Variants in SZT2 observed in about 807,000 individuals in gnomAD.
SZT2 encodes the protein SZT2 subunit of KICSTOR complex, also known as KICSTOR complex protein SZT2.
In SZT2, 216 loss-of-function variants were observed where a neutral mutation model predicts 404.2. The ratio of observed to expected loss-of-function variants is 0.53; its 90% CI spans 0.48 to 0.60. The LOEUF is 0.60. Among genes scored for constraint, SZT2 ranks in the 20% least tolerant of loss-of-function variants. SZT2 has a pLI of 0.00. For missense variants in SZT2, 3,857 were observed against 4,459.2 expected (o/e 0.86, Z 3.85); for synonymous variants, 1,693 against 1,749.9 (o/e 0.97, Z 0.81).
Position 43,440,516 on chromosome 1 carries a change from C to A in SZT2, c.7274C>A (p.Pro2425His), listed in dbSNP as rs1557589083. ...GCAGGCCGAGCTAGCACCTTTCCCCCTGCCCCTGTCCCTGGGGAGCCTGTG... is the reference window on the plus strand; with the variant it reads ...GCAGGCCGAGCTAGCACCTTTCCCCATGCCCCTGTCCCTGGGGAGCCTGTG... Reference protein sequence around the residue: ...SSAGRASTFPPAPVPGEPVTP... With the variant: ...SSAGRASTFPHAPVPGEPVTP... The change falls in exon 52 of 72, where the codon CCT (proline) becomes CAT (histidine). Residue 2425 changes from proline (P) to histidine (H), a missense_variant. This residue lies in a region of SZT2 where 573 missense variants were observed against 592.4 expected (regional missense o/e 0.97). Transcript: ENST00000634258. 2 of 1,609,020 alleles carry A rather than the reference C, an allele frequency of 1.2e-6. No individual in the cohort carries two copies. The highest frequency in any genetic ancestry group is 8.5e-7 in the Non-Finnish European group (1 of 1,177,814).
At position 43,392,582 on chromosome 1, in the gene SZT2, C is replaced by T. The variant is rs566630682; in HGVS notation, c.27+2587C>T. Among the ~76,000 whole-genome samples the T allele has an allele frequency of 4.6e-5, 7 of 152,194 alleles. 2 individuals are homozygous for T. The highest frequency in any genetic ancestry group is 1.7e-4 in the African/African-American group (7 of 41,530). Reference sequence around the variant, plus strand: ...GGCGCCTGCTACCATGCCCTGCTAACTTTTTGTGTTTTTAGTAAAGACGGG... The same window carrying T: ...GGCGCCTGCTACCATGCCCTGCTAATTTTTTGTGTTTTTAGTAAAGACGGG... On this transcript the variant is annotated intron_variant, in intron 1 of 71. Coordinates refer to ENST00000634258, the MANE Select transcript of SZT2 (RefSeq NM_001365999.1).
In SZT2 at chr1:43,431,347, C is replaced by T. The variant is rs1420903018; in HGVS notation, c.4999C>T (p.Pro1667Ser). Residue 1667 changes from proline to serine, a missense_variant, in exon 34 of 72, where the codon CCA (proline) becomes TCA (serine). Around this residue, in one of 7 missense-constraint regions of SZT2, gnomAD observed 1,725 missense variants for 1,881.0 expected, o/e 0.92. Coordinates refer to ENST00000634258, the MANE Select transcript of SZT2 (RefSeq NM_001365999.1). ...AAGGTCAGATGATGGCCTCGGGCCC[C>T]CACTGCCACCCCCAGAAGAGGAGAG... ...SLRSDDGLGP[P>S]LPPPEEERHP... 4 of 1,612,576 alleles carry T rather than the reference C, an allele frequency of 2.5e-6. No individual in the cohort carries two copies. The South Asian group carries it at 3.3e-5, about 13-fold the overall frequency.
At position 43,430,044 on chromosome 1, in the gene SZT2, C is replaced by T. The variant is rs140004653; in HGVS notation, c.4342C>T (p.Arg1448Cys). 377 of 1,614,160 alleles carry T rather than the reference C, an allele frequency of 2.3e-4. No individual in the cohort carries two copies. The highest frequency in any genetic ancestry group is 1.5e-3 in the African/African-American group (112 of 75,014). Residue 1448 changes from arginine to cysteine, a missense_variant, in exon 30 of 72, where the codon CGC (arginine) becomes TGC (cysteine). Arg to Cys is a radical substitution (Grantham distance 180). Transcript: ENST00000634258. ...CCTAGAGATCAGTCGTCTCCACTTC[C>T]GCACAGTGCCTTCCAATCCCCACTA... ...KFLEISRLHFRTVPSNPHYFF... is the reference protein window; with the variant it reads ...KFLEISRLHFCTVPSNPHYFF...
Position 43,429,852 on chromosome 1 carries a change from G to T in SZT2, c.4308+8G>T. On this transcript the variant is annotated splice_region_variant and intron_variant, in intron 29 of 71. Coordinates refer to ENST00000634258, the MANE Select transcript of SZT2 (RefSeq NM_001365999.1). ...CTTCATAGCGTCATCCAGGTGGGAA[G>T]CTTGGGTGAGGGTAGAAGAGGTGTT... The T allele has an allele frequency of 6.2e-7, 1 of 1,614,092 alleles. No homozygotes were observed. Among genetic ancestry groups the T allele is most frequent in the Non-Finnish European group, 8.5e-7 (1 of 1,180,046 alleles).
chr1:43,412,281 C>T (rs1319792888), intron 4 of SZT2: 1 of 152,302 alleles, frequency 6.6e-6, no homozygotes, highest in African/African-American at 2.4e-5. Flanking sequence ...TTCACCCACG[C>T]TCTGCATAAA....
At chr1:43,401,118 T>G (rs1038998157) in intron 1 of SZT2, among the ~76,000 whole-genome samples, 2 of 151,930 alleles carry the variant, frequency 1.3e-5, no homozygotes, top group African/African-American at 2.4e-5. Flanking sequence ...AGAGTTGAGG[T>G]TTCATCATGT....
Position 43,450,740 on chromosome 1 carries a change from T to TCTGGGGTACTCCTTTCGGCCCCC in SZT2, c.*265_*287dup, listed in dbSNP as rs1426791282. ...CAACCCCGAGGACCCCTTGGGCCCTTCTGGGGTACTCCTTTCGGCCCCCCT... is the reference window on the plus strand; with the variant it reads ...CAACCCCGAGGACCCCTTGGGCCCTTCTGGGGTACTCCTTTCGGCCCCCCTGGGGTACTCCTTTCGGCCCCCCT... On this transcript the variant is annotated 3_prime_UTR_variant, in exon 72 of 72. Coordinates refer to ENST00000634258, the MANE Select transcript of SZT2 (RefSeq NM_001365999.1). The surrounding 1 kb of genome is among the most constrained non-coding windows in gnomAD (Gnocchi z 4.3). The TCTGGGGTACTCCTTTCGGCCCCC allele has an allele frequency of 7.1e-6, 5 of 701,458 alleles. No individual in the cohort carries two copies. The highest frequency in any genetic ancestry group is 1.3e-5 in the Non-Finnish European group (5 of 387,602). The allele number at this position is 701,458 out of a possible 1,614,324, so 43.5% of individuals were successfully genotyped here. A position where few individuals can be genotyped will look rare whatever the true frequency, so the allele number is the denominator to read the frequency against.
intron 1 of SZT2, among the ~76,000 whole-genome samples, chr1:43,391,755 G>A (rs1030230739): frequency 2.0e-5 from 3 of 152,152 alleles, no homozygotes; most frequent in African/African-American, 4.8e-5. Context: ...CAAGCCACAT[G>A]TGTAATATTA....
chr1:43,419,705 C>T (rs1490139315), intron 7 of SZT2, 29 bp from the exon 8 acceptor site: 2 of 1,569,478 alleles, frequency 1.3e-6, no homozygotes, highest in African/African-American at 2.7e-5. Context: ...TCTGTCAGAG[C>T]TAGGTCTTCA....
At chr1:43,434,910 CAG>C (rs1269530592) in intron 41 of SZT2, among the ~76,000 whole-genome samples, 2 of 152,204 alleles carry the variant, frequency 1.3e-5, no homozygotes, top group Non-Finnish European at 2.9e-5. Flanking sequence ...AAGCATGTAA[CAG>C]GGATCTGACC....
rs1228641997 is a variant in SZT2, at chr1:43,425,402, C to A, written c.2646-72C>A. 23 of 1,591,382 alleles carry A rather than the reference C, an allele frequency of 1.4e-5. No homozygotes were observed. Among genetic ancestry groups the A allele is most frequent in the South Asian group, 1.3e-4 (11 of 87,292 alleles). ...GACTCGTGGCTGTCCTCTGTGCCTG[C>A]CTCCTTCCCTCCATGAGGTTCACTC... On this transcript the variant is annotated intron_variant, in intron 18 of 71. Transcript: ENST00000634258. This position sits in a 1 kb window ranked among gnomAD's most constrained non-coding sequence, Gnocchi z 4.3.
chr1:43,453,648 G>A lies in SZT2; in HGVS notation c.*3168G>A. 3 of 1,490,680 alleles carry A rather than the reference G, an allele frequency of 2.0e-6. No homozygotes were observed. The highest frequency in any genetic ancestry group is 2.7e-6 in the Non-Finnish European group (3 of 1,127,524). 92.3% of individuals were successfully genotyped at this position (1,490,680 alleles called of 1,614,324 possible). The stretch of plus-strand genomic sequence containing the variant: ...CAGCCCCGCTTCTCGCGCGGCGCGC[G>A]CCAGCGCCTCAGGCGTCTCCGCGTA... On this transcript the variant is annotated 3_prime_UTR_variant, in exon 72 of 72. Transcript: ENST00000634258.
chr1:43,419,295 A>T (rs1248363043), intron 7 of SZT2, among the ~76,000 whole-genome samples: 2 of 152,266 alleles, frequency 1.3e-5, no homozygotes, highest in Non-Finnish European at 2.9e-5. Context: ...TTCAAAATGT[A>T]GTCCACAGAC....
In SZT2 at chr1:43,453,795, C is replaced by G; in HGVS notation, c.*3315C>G. Reference sequence around the variant, plus strand: ...GGCGGAGAAGCGCAGCGGCGCCATGCCTGGGGAGGCCGGGCCGGGCGGAGT... The same window carrying G: ...GGCGGAGAAGCGCAGCGGCGCCATGGCTGGGGAGGCCGGGCCGGGCGGAGT... On this transcript the variant is annotated 3_prime_UTR_variant, in exon 72 of 72. Coordinates refer to ENST00000634258, the MANE Select transcript of SZT2 (RefSeq NM_001365999.1). The G allele has an allele frequency of 1.6e-6, 2 of 1,266,454 alleles. No individual in the cohort carries two copies. The highest frequency in any genetic ancestry group is 2.0e-6 in the Non-Finnish European group (2 of 1,009,024). 78.5% of individuals were successfully genotyped at this position (1,266,454 alleles called of 1,614,324 possible).
At position 43,452,217 on chromosome 1, in the gene SZT2, C is replaced by G. The variant is rs41270373; in HGVS notation, c.*1737C>G. ...CCACCTTTCTCACCTGAGCCAAAAC[C>G]CCAGCTGCATGCCTCAGGTTCTCCA... On this transcript the variant is annotated 3_prime_UTR_variant, in exon 72 of 72. Coordinates refer to ENST00000634258, the MANE Select transcript of SZT2 (RefSeq NM_001365999.1). The G allele has an allele frequency of 0.026, 41,969 of 1,612,936 alleles. 608 individuals are homozygous for G. The highest frequency in any genetic ancestry group is 0.03 in the Non-Finnish European group (34,805 of 1,179,304).
In SZT2 at chr1:43,438,725, C is replaced by G; in HGVS notation, c.6535C>G (p.Arg2179Gly). ...AGPEITDELV[R>G]VLCRRLDEAT... ...TCCTGAGATCACGGATGAGCTCGTG[C>G]GAGTTCTATGTCGGCGCCTGGATGA... Residue 2179 changes from arginine to glycine, a missense_variant, in exon 47 of 72, where the codon CGA (arginine) becomes GGA (glycine). Physicochemically the swap from Arg to Gly is moderately radical, Grantham distance 125 (BLOSUM62 -2). This residue lies in a region of SZT2 where 261 missense variants were observed against 372.9 expected (regional missense o/e 0.70). Coordinates refer to ENST00000634258, the MANE Select transcript of SZT2 (RefSeq NM_001365999.1). 1 of 1,614,046 alleles carries G rather than the reference C, an allele frequency of 6.2e-7. No homozygotes were observed. The highest frequency in any genetic ancestry group is 8.5e-7 in the Non-Finnish European group (1 of 1,179,992).
rs749460386 is a variant in SZT2 at position 43,420,998 on chromosome 1, C to T, written c.1496+15C>T. Reference sequence around the variant, plus strand: ...ACGCTGCAGAGGTCAGTGAAGTCATCACTCAATGAGTGCTGCCCCATTTGT... The same window carrying T: ...ACGCTGCAGAGGTCAGTGAAGTCATTACTCAATGAGTGCTGCCCCATTTGT... On this transcript the variant is annotated intron_variant, in intron 10 of 71. Coordinates refer to ENST00000634258, the MANE Select transcript of SZT2 (RefSeq NM_001365999.1). The surrounding 1 kb of genome is among the most constrained non-coding windows in gnomAD (Gnocchi z 5.1). 2 of 1,597,736 alleles carry T rather than the reference C, an allele frequency of 1.3e-6. No homozygotes were observed. Among genetic ancestry groups the T allele is most frequent in the Non-Finnish European group, 1.7e-6 (2 of 1,179,268 alleles).
rs950614254 is a variant in SZT2, at chr1:43,452,222, C to G, written c.*1742C>G. ...TTTCTCACCTGAGCCAAAACCCCAGCTGCATGCCTCAGGTTCTCCAGAAAA... is the reference window on the plus strand; with the variant it reads ...TTTCTCACCTGAGCCAAAACCCCAGGTGCATGCCTCAGGTTCTCCAGAAAA... On this transcript the variant is annotated 3_prime_UTR_variant, in exon 72 of 72. Transcript: ENST00000634258. 6.2e-6 allele frequency: 10 copies of G among 1,613,424 alleles called. No homozygotes were observed. Among genetic ancestry groups the G allele is most frequent in the Middle Eastern group, 1.7e-4 (1 of 6,060 alleles).
chr1:43,404,684 T>C, intron 4 of SZT2, 134 bp downstream of exon 4: 1 of 874,468 alleles, frequency 1.1e-6, no homozygotes, highest in Non-Finnish European at 1.7e-6. Context: ...TGTTTTCTAG[T>C]CATCCTCATG....
Sources: gnomAD v4.1 joint callset for allele counts (sites outside exome capture counted in the v4.1 genomes callset) on GRCh38, gnomAD v4.1.1 for gene constraint, gnomAD v4.1.1 regional missense constraint, Gnocchi (gnomAD v3.1) non-coding constraint, MANE v1.5 for transcripts, NCBI Gene and HGNC (gene_info 2026-07-23, HGNC 2026-07-21) for gene names.